Variants in GPHN observed in about 807,000 individuals in gnomAD.
The protein encoded by GPHN is gephyrin.
GPHN carries 17 observed loss-of-function variants against 95.5 expected under a neutral mutation model. The observed-to-expected ratio is 0.18, with a 90% confidence interval of 0.12 to 0.27. GPHN has a LOEUF of 0.27. Among genes scored for constraint, GPHN ranks in the 10% least tolerant of loss-of-function variants. The pLI, the probability that GPHN is intolerant of heterozygous loss-of-function variation, is 1.00. For missense variants in GPHN, 660 were observed against 978.1 expected, an observed-to-expected ratio of 0.67 and a Z score of 4.34; for synonymous variants, 320 against 322.5, an observed-to-expected ratio of 0.99 and a Z score of 0.08.
the GPHN span, chr14:67,616,410 A>G: frequency 6.5e-6 from 1 of 152,970 alleles, no homozygotes; most frequent in Non-Finnish European, 1.5e-5. Flanking sequence ...GTAGCTTTAC[A>G]TCTTCAGTTG....
the GPHN span, among the ~76,000 whole-genome samples, chr14:67,687,467 CTTTTTTT>C: frequency 1.3e-5 from 1 of 79,696 alleles, no homozygotes; most frequent in African/African-American, 4.5e-5. Context: ...CTCCATATTC[CTTTTTTT>C]TTTTTTTTTT....
At chr14:66,563,754 TTTTA>T (rs1471931737) in intron 1 of GPHN, among the ~76,000 whole-genome samples, 5 of 152,284 alleles carry the variant, frequency 3.3e-5, no homozygotes, top group African/African-American at 9.6e-5. Context: ...ATGGCTGGTT[TTTTA>T]TTTTTATTTT....
At chr14:66,706,932 C>CTA (rs2069129528) in intron 2 of GPHN, among the ~76,000 whole-genome samples, 2 of 152,038 alleles carry the variant, frequency 1.3e-5, no homozygotes, top group South Asian at 4.1e-4. Context: ...GGTCTAATAT[C>CTA]CAGAATTCAT....
intron 17 of GPHN, among the ~76,000 whole-genome samples, chr14:67,128,553 A>G (rs558313264): frequency 6.6e-6 from 1 of 152,332 alleles, no homozygotes; most frequent in Admixed American, 6.5e-5. Flanking sequence ...TATGCATGGG[A>G]AGGTATTTAT....
chr14:66,511,304 G>A (rs1166994893), intron 1 of GPHN, among the ~76,000 whole-genome samples: 2 of 152,136 alleles, frequency 1.3e-5, no homozygotes, highest in Admixed American at 6.5e-5. Context: ...CTGAACTGAA[G>A]TATTGTGATT....
intron 8 of GPHN, among the ~76,000 whole-genome samples, chr14:66,954,030 G>T (rs112102190): frequency 1.3e-3 from 93 of 71,982 alleles, no homozygotes; most frequent in Non-Finnish European, 2.1e-3. Flanking sequence ...AGCAAAACTC[G>T]GTCTCAAAAA....
rs748093636 is a variant in GPHN at position 66,508,607 on chromosome 14, G to C, written c.64+16G>C. 29 of 1,606,836 alleles carry C rather than the reference G, an allele frequency of 1.8e-5. No individual in the cohort carries two copies. Among genetic ancestry groups the C allele is most frequent in the Non-Finnish European group, 2.5e-5 (29 of 1,173,312 alleles). On this transcript the variant is annotated intron_variant, in intron 1 of 22. Transcript: ENST00000478722. ...GTCCTTACAGGTAACCGGGGGAGGA[G>C]GTCTGGGACCTATGAGGCTGCTGTC... is the stretch of plus-strand genomic sequence containing the variant.
chr14:67,606,063 G>GA, the GPHN span, among the ~76,000 whole-genome samples: 6 of 152,116 alleles, frequency 3.9e-5, no homozygotes, highest in Non-Finnish European at 5.9e-5. Flanking sequence ...GCAATGGAAA[G>GA]AAAAAATACT....
intron 12 of GPHN, among the ~76,000 whole-genome samples, chr14:67,090,011 A>G (rs1394436639): frequency 6.6e-6 from 1 of 152,128 alleles, no homozygotes; most frequent in Admixed American, 6.5e-5. Flanking sequence ...TAACACATGC[A>G]TTACCTCACA....
At chr14:67,152,975 A>C (rs1567414906) in intron 18 of GPHN, among the ~76,000 whole-genome samples, 3 of 151,132 alleles carry the variant, frequency 2.0e-5, no homozygotes, top group Non-Finnish European at 2.9e-5. Context: ...AAAAAAAAAA[A>C]GGTTCACTGT....
At chr14:67,464,967 C>T in the GPHN span, among the ~76,000 whole-genome samples, 5 of 152,204 alleles carry the variant, frequency 3.3e-5, no homozygotes, top group Admixed American at 6.5e-5. Flanking sequence ...TCGGAGTTGT[C>T]GGCACCCTGT....
the GPHN span, among the ~76,000 whole-genome samples, chr14:67,708,275 A>T: frequency 3.0e-4 from 46 of 152,364 alleles, 1 homozygote; most frequent in African/African-American, 1.1e-3. Context: ...ATATTACTTT[A>T]GTCTTCTATC....
rs2061323373 is a variant in GPHN at position 66,824,536 on chromosome 14, A to C, written c.264A>C (p.Thr88=). The C allele has an allele frequency of 1.3e-6, 2 of 1,581,404 alleles. No individual in the cohort carries two copies. The highest frequency in any genetic ancestry group is 2.2e-5 in the South Asian group (2 of 90,402). ...ATTTGATATTAACAACTGGAGGAAC[A>C]GGATTTGCACCACGAGATGTCACTC... is the stretch of plus-strand genomic sequence containing the variant. The part of the protein sequence containing the change: ...ELNLILTTGG[T]GFAPRDVTPE... The change falls in exon 4 of 23, where the codon ACA becomes ACC. Residue 88 remains threonine, a synonymous_variant. Coordinates refer to ENST00000478722, the MANE Select transcript of GPHN (RefSeq NM_020806.5).
intron 4 of GPHN, among the ~76,000 whole-genome samples, chr14:66,833,429 A>G (rs1162965638): frequency 6.6e-6 from 1 of 152,166 alleles, no homozygotes; most frequent in Non-Finnish European, 1.5e-5. Flanking sequence ...TATGGGAATT[A>G]CAATTCAAGA....
At chr14:67,720,357 GT>G in the GPHN span, among the ~76,000 whole-genome samples, 1 of 152,106 alleles carries the variant, frequency 6.6e-6, no homozygotes, top group Non-Finnish European at 1.5e-5. Flanking sequence ...GTGTATGATG[GT>G]TTTTGTCATG....
chr14:66,974,311 C>T (rs767740148), intron 9 of GPHN, among the ~76,000 whole-genome samples: 15 of 152,014 alleles, frequency 9.9e-5, no homozygotes, highest in Non-Finnish European at 2.1e-4. Flanking sequence ...TGATGTTCTG[C>T]TGGGTATGTA....
chr14:67,554,122 G>GA, the GPHN span, among the ~76,000 whole-genome samples: 193 of 152,202 alleles, frequency 1.3e-3, 5 homozygotes, highest in East Asian at 0.026. Context: ...CCAGAAAGGA[G>GA]AAAAAAATGG....
chr14:66,854,029 CATCATCTTGTATTCA>C (rs2062700603), intron 4 of GPHN, among the ~76,000 whole-genome samples: 1 of 152,172 alleles, frequency 6.6e-6, no homozygotes, highest in African/African-American at 2.4e-5. Context: ...AGTACTTTGA[CATCATCTTGTATTCA>C]ATCAAGAAAA....
intron 1 of GPHN, among the ~76,000 whole-genome samples, chr14:66,626,141 A>T (rs1434370172): frequency 6.6e-6 from 1 of 152,178 alleles, no homozygotes; most frequent in Non-Finnish European, 1.5e-5. Context: ...CCTGTTTTTC[A>T]TAAGGTGCTT....
Sources: gnomAD v4.1 joint callset for allele counts (sites outside exome capture counted in the v4.1 genomes callset) on GRCh38, gnomAD v4.1.1 for gene constraint, MANE v1.5 for transcripts, NCBI Gene and HGNC (gene_info 2026-07-23, HGNC 2026-07-21) for gene names.